The following SRL variants were observed in gnomAD, a reference collection of about 807,000 sequenced individuals.
SRL encodes the protein sarcalumenin.
Under a neutral mutation model 39.5 loss-of-function variants are expected in SRL, and 23 were observed. The ratio of observed to expected loss-of-function variants is 0.58; its 90% confidence interval spans 0.42 to 0.82. SRL has a LOEUF of 0.82. Among genes scored for constraint, SRL ranks in the 40% least tolerant of loss-of-function variants. SRL has a pLI of 0.00. For synonymous variants in SRL, 272 were observed against 237.4 expected, an observed-to-expected ratio of 1.15 and a Z score of -1.34; for missense variants, 592 against 607.8, an observed-to-expected ratio of 0.97 and a Z score of 0.27.
At chr16:4,215,800 C>A (rs548015376) in intron 1 of SRL, among the ~76,000 whole-genome samples, 1 of 152,246 alleles carries the variant, frequency 6.6e-6, no homozygotes, top group South Asian at 2.1e-4. Flanking sequence ...GAGTTTGAAA[C>A]CAGCCTGGGT....
At chr16:4,231,051 C>T (rs2052655193) in intron 1 of SRL, among the ~76,000 whole-genome samples, 1 of 152,190 alleles carries the variant, frequency 6.6e-6, no homozygotes, top group African/African-American at 2.4e-5. Context: ...GGCACTGTGG[C>T]TCACACCTGT....
At chr16:4,194,592 A>G (rs557755064) in intron 5 of SRL, among the ~76,000 whole-genome samples, 5 of 152,194 alleles carry the variant, frequency 3.3e-5, no homozygotes, top group Non-Finnish European at 7.3e-5. Context: ...CTGGGATCCA[A>G]TTAGTCCAGG....
rs149667345 is a variant in SRL at position 4,230,589 on chromosome 16, A to G, written c.61+11418T>C. On this transcript the variant is annotated intron_variant, in intron 1 of 5. Coordinates refer to ENST00000399609, the MANE Select transcript of SRL (RefSeq NM_001098814.2). ...TCTTTAGTAGAGACGGGGTTTCACC[A>G]TGTTGGCCAGGCTGGTCTTGAACTC... 6.7e-3 allele frequency among the ~76,000 whole-genome samples: 1,009 copies of G among 150,570 alleles called. 17 individuals are homozygous for G. The highest frequency in any genetic ancestry group is 0.023 in the African/African-American group (955 of 40,872).
At chr16:4,209,942 C>T (rs990835002) in intron 1 of SRL, among the ~76,000 whole-genome samples, 2 of 152,180 alleles carry the variant, frequency 1.3e-5, no homozygotes, top group Non-Finnish European at 2.9e-5. Flanking sequence ...TAGCAGGGCA[C>T]AGGGGACCCC....
intron 1 of SRL, among the ~76,000 whole-genome samples, chr16:4,211,250 T>A (rs1306683547): frequency 6.6e-6 from 1 of 151,992 alleles, no homozygotes; most frequent in African/African-American, 2.4e-5. Flanking sequence ...AGGCTTCAGC[T>A]CCCAGGCCCT....
In SRL at chr16:4,190,356, G is replaced by A; in HGVS notation, c.*1797C>T. 1 of 398,842 alleles carries A rather than the reference G, an allele frequency of 2.5e-6. No individual in the cohort carries two copies. Among genetic ancestry groups the A allele is most frequent in the Non-Finnish European group, 4.4e-6 (1 of 226,228 alleles). The allele number at this position is 398,842 out of a possible 1,614,324, so 24.7% of individuals were successfully genotyped here. A position where few individuals can be genotyped will look rare whatever the true frequency, so the allele number is the denominator to read the frequency against. ...GATGACTTCCTGGTGCTGAGCTGGT[G>A]CATCCTGACTCCTGCCTCGTGGGTA... is the stretch of plus-strand genomic sequence containing the variant. On this transcript the variant is annotated 3_prime_UTR_variant, in exon 6 of 6. Coordinates refer to ENST00000399609, the MANE Select transcript of SRL (RefSeq NM_001098814.2).
chr16:4,198,186 G>A (rs752543529), intron 3 of SRL, among the ~76,000 whole-genome samples: 3 of 152,214 alleles, frequency 2.0e-5, no homozygotes, highest in Non-Finnish European at 4.4e-5. Context: ...AACAAACCCT[G>A]ACTCCGAACT....
intron 1 of SRL, among the ~76,000 whole-genome samples, chr16:4,212,638 C>G (rs1354580665): frequency 1.3e-5 from 2 of 152,342 alleles, no homozygotes; most frequent in East Asian, 1.9e-4. Flanking sequence ...GGGTGGCCCC[C>G]CCGACTCCGG....
intron 5 of SRL, among the ~76,000 whole-genome samples, chr16:4,194,458 G>A (rs550250568): frequency 5.3e-5 from 8 of 152,300 alleles, no homozygotes; most frequent in African/African-American, 1.9e-4. Flanking sequence ...CCTGCTAAAG[G>A]CTTATGGGGA....
chr16:4,198,910 T>C (rs1370931401), intron 3 of SRL, among the ~76,000 whole-genome samples: 1 of 152,132 alleles, frequency 6.6e-6, no homozygotes, highest in Non-Finnish European at 1.5e-5. Context: ...GGTGGGTCCC[T>C]AAGAGGAAAA....
intron 1 of SRL, among the ~76,000 whole-genome samples, chr16:4,215,752 C>A (rs887370675): frequency 6.6e-6 from 1 of 152,178 alleles, no homozygotes; most frequent in Non-Finnish European, 1.5e-5. Flanking sequence ...AATCCCAGCA[C>A]TTTGGGAGGC....
Position 4,189,942 on chromosome 16 carries a change from A to C in SRL, c.*2211T>G. The stretch of plus-strand genomic sequence containing the variant: ...CATCCCCCAAGAGGGCAGACAGTAC[A>C]GAGATGAGGCGAGGGGTTCTGGGGT... On this transcript the variant is annotated 3_prime_UTR_variant, in exon 6 of 6. Transcript: ENST00000399609. 2 of 212,862 alleles carry C rather than the reference A, an allele frequency of 9.4e-6. No homozygotes were observed. The highest frequency in any genetic ancestry group is 2.3e-5 in the African/African-American group (1 of 43,872). 13.2% of individuals were successfully genotyped at this position (212,862 alleles called of 1,614,324 possible). A position where few individuals can be genotyped will look rare whatever the true frequency, so the allele number is the denominator to read the frequency against.
At position 4,207,146 on chromosome 16, in the gene SRL, G is replaced by C. The variant is rs1437006952; in HGVS notation, c.62-2512C>G. 4 of 456,638 alleles carry C rather than the reference G, an allele frequency of 8.8e-6. No individual in the cohort carries two copies. The East Asian group carries it at 2.8e-4, about 32-fold the overall frequency. 28.3% of individuals were successfully genotyped at this position (456,638 alleles called of 1,614,324 possible). On this transcript the variant is annotated intron_variant, in intron 1 of 5. Transcript: ENST00000399609. ...CGGAGGCGCCCTCTGCTTCTTCTGA[G>C]CTAGCCCCATCGCCGCTGTCCTCTT...
At position 4,201,949 on chromosome 16, in the gene SRL, C is replaced by T. The variant is rs538275458; in HGVS notation, c.259+1217G>A. On this transcript the variant is annotated intron_variant, in intron 3 of 5. Coordinates refer to ENST00000399609, the MANE Select transcript of SRL (RefSeq NM_001098814.2). ...TATTACAGGTGTGAGCCACCACGCC[C>T]GCCCCTAATTTTTGTATTTTTTGTA... is the stretch of plus-strand genomic sequence containing the variant. Among the ~76,000 whole-genome samples the T allele has an allele frequency of 3.5e-3, 531 of 152,132 alleles. 1 individual carries two copies. The highest frequency in any genetic ancestry group is 5.9e-3 in the Non-Finnish European group (402 of 68,010).
chr16:4,240,590 C>T (rs2052762433), intron 1 of SRL, among the ~76,000 whole-genome samples: 1 of 152,148 alleles, frequency 6.6e-6, no homozygotes, highest in South Asian at 2.1e-4. Context: ...GCACAAGCAC[C>T]TGCCTGCGTC....
chr16:4,223,883 A>T (rs2052558157), intron 1 of SRL, among the ~76,000 whole-genome samples: 1 of 152,082 alleles, frequency 6.6e-6, no homozygotes, highest in East Asian at 1.9e-4. Flanking sequence ...CCTAGCTACG[A>T]TCCACTTCCA....
intron 1 of SRL, among the ~76,000 whole-genome samples, chr16:4,210,225 T>C (rs990866022): frequency 8.5e-5 from 13 of 152,212 alleles, no homozygotes; most frequent in South Asian, 2.1e-4. Flanking sequence ...CTGTAAGTCC[T>C]GACTCCTTCA....
chr16:4,217,886 G>A (rs2052477669), intron 1 of SRL, among the ~76,000 whole-genome samples: 1 of 152,140 alleles, frequency 6.6e-6, no homozygotes, highest in South Asian at 2.1e-4. Context: ...TCCGGGTCTG[G>A]GGGCTCAGTC....
intron 1 of SRL, among the ~76,000 whole-genome samples, chr16:4,226,564 T>C (rs756227394): frequency 3.3e-5 from 5 of 150,218 alleles, no homozygotes; most frequent in Non-Finnish European, 7.4e-5. Context: ...GAAAGATGGA[T>C]GGATGGGCAG....
Sources: allele counts gnomAD v4.1 joint callset (sites outside exome capture counted in the v4.1 genomes callset), GRCh38; gene constraint gnomAD v4.1.1; transcripts MANE v1.5; gene names NCBI Gene and HGNC (gene_info 2026-07-23, HGNC 2026-07-21).